Variants in CFAP299 observed in about 807,000 individuals in gnomAD.
The protein encoded by CFAP299 is cilia- and flagella-associated protein 299.
A neutral mutation model predicts 27.0 loss-of-function variants in CFAP299; 21 were observed. That is an observed-to-expected ratio of 0.78 (90% CI 0.55 to 1.12). The LOEUF is 1.12. Among genes scored for constraint, CFAP299 ranks in the 50% most tolerant of loss-of-function variants. The pLI, the probability that CFAP299 is intolerant of heterozygous loss-of-function variation, is 0.00. For synonymous variants in CFAP299, 104 were observed against 98.1 expected (o/e 1.06, Z -0.36); for missense variants, 310 against 276.6 (o/e 1.12, Z -0.86).
chr4:80,526,731 A>G (rs989091946), intron 2 of CFAP299, among the ~76,000 whole-genome samples: 1 of 152,134 alleles, frequency 6.6e-6, no homozygotes, highest in Admixed American at 6.6e-5. Flanking sequence ...TAATAAATAA[A>G]CATAAATTGA....
intron 2 of CFAP299, among the ~76,000 whole-genome samples, chr4:80,532,047 C>T (rs141329543): frequency 0.01 from 1,533 of 152,158 alleles, 25 homozygotes; most frequent in African/African-American, 0.031. Flanking sequence ...TGAGCCACTC[C>T]GCCCGGCCTA....
intron 4 of CFAP299, among the ~76,000 whole-genome samples, chr4:80,902,445 G>T (rs1006071906): frequency 2.7e-4 from 29 of 106,016 alleles, no homozygotes; most frequent in African/African-American, 5.5e-4. Flanking sequence ...AGTATATATG[G>T]ATATACATAT....
intron 1 of CFAP299, chr4:80,336,577 AG>A (rs1722158429): frequency 6.6e-6 from 1 of 151,880 alleles, no homozygotes; most frequent in African/African-American, 2.4e-5. Context: ...CCCCCGCTGC[AG>A]GGTGGTGGGG....
At chr4:80,327,690 T>TTTTATATATATA in the CFAP299 span, among the ~76,000 whole-genome samples, 765 of 51,140 alleles carry the variant, frequency 0.015, 26 homozygotes, top group South Asian at 0.034. Flanking sequence ...TAGAGAGAAG[T>TTTTATATATATA]TATATATATA....
intron 2 of CFAP299, among the ~76,000 whole-genome samples, chr4:80,405,152 C>G (rs1025895978): frequency 6.6e-6 from 1 of 152,266 alleles, no homozygotes; most frequent in South Asian, 2.1e-4. Flanking sequence ...TTCTTTGCAC[C>G]TGAGCTGCAA....
chr4:80,822,828 T>A (rs538132109), intron 3 of CFAP299, among the ~76,000 whole-genome samples: 19 of 152,264 alleles, frequency 1.2e-4, no homozygotes, highest in Non-Finnish European at 2.5e-4. Flanking sequence ...GTAAGAAAAA[T>A]GAGGAATTGG....
intron 3 of CFAP299, among the ~76,000 whole-genome samples, chr4:80,718,864 G>A (rs986086635): frequency 2.6e-5 from 4 of 152,098 alleles, no homozygotes; most frequent in Admixed American, 2.6e-4. Context: ...AGTAATTAGA[G>A]GAAAGTTCAA....
At chr4:80,493,612 C>G (rs542194758) in intron 2 of CFAP299, among the ~76,000 whole-genome samples, 1 of 152,064 alleles carries the variant, frequency 6.6e-6, no homozygotes, top group East Asian at 1.9e-4. Context: ...AAGTAGAAGG[C>G]AAAGAATTGA....
intron 2 of CFAP299, among the ~76,000 whole-genome samples, chr4:80,374,257 CTTG>C (rs1724292749): frequency 6.6e-6 from 1 of 152,108 alleles, no homozygotes; most frequent in Non-Finnish European, 1.5e-5. Context: ...TCCCTCTAGT[CTTG>C]TTGGTACAAG....
intron 2 of CFAP299, among the ~76,000 whole-genome samples, chr4:80,506,602 T>C (rs554623755): frequency 3.9e-5 from 6 of 152,288 alleles, no homozygotes; most frequent in African/African-American, 1.4e-4. Context: ...TTGACTGATA[T>C]GTTGATGTAA....
chr4:80,866,891 A>C (rs1732778774), intron 3 of CFAP299, among the ~76,000 whole-genome samples: 1 of 152,166 alleles, frequency 6.6e-6, no homozygotes, highest in African/African-American at 2.4e-5. Context: ...AATGTATATA[A>C]TTTTAGATTA....
intron 2 of CFAP299, among the ~76,000 whole-genome samples, chr4:80,571,590 C>T (rs909433423): frequency 2.0e-5 from 3 of 152,042 alleles, no homozygotes; most frequent in African/African-American, 7.2e-5. Flanking sequence ...ATGGACTAAA[C>T]TGTACCCATC....
intron 3 of CFAP299, among the ~76,000 whole-genome samples, chr4:80,729,783 T>C (rs1448744812): frequency 2.0e-5 from 3 of 151,698 alleles, no homozygotes; most frequent in African/African-American, 7.2e-5. Flanking sequence ...TTTGTATTTT[T>C]CAGTAGAGAC....
At chr4:80,821,389 CT>C (rs1729696924) in intron 3 of CFAP299, among the ~76,000 whole-genome samples, 1 of 152,134 alleles carries the variant, frequency 6.6e-6, no homozygotes, top group South Asian at 2.1e-4. Context: ...GGATTTTTAA[CT>C]CCTTTAATAG....
intron 3 of CFAP299, among the ~76,000 whole-genome samples, chr4:80,608,066 T>G (rs1220309462): frequency 2.0e-5 from 3 of 152,168 alleles, no homozygotes; most frequent in Non-Finnish European, 4.4e-5. Flanking sequence ...TTTACTACTT[T>G]ACAATTTTAT....
intron 3 of CFAP299, among the ~76,000 whole-genome samples, chr4:80,586,141 A>G (rs1484545030): frequency 6.6e-6 from 1 of 152,092 alleles, no homozygotes; most frequent in African/African-American, 2.4e-5. Flanking sequence ...CTAAGCCACA[A>G]TTTCCTTCTT....
At chr4:80,695,153 T>C (rs2110021125) in intron 3 of CFAP299, among the ~76,000 whole-genome samples, 1 of 152,342 alleles carries the variant, frequency 6.6e-6, no homozygotes, top group South Asian at 2.1e-4. Flanking sequence ...AGTATTTCTA[T>C]ATTAAGTCCA....
chr4:80,634,130 G>A (rs1175499995), intron 3 of CFAP299, among the ~76,000 whole-genome samples: 1 of 151,678 alleles, frequency 6.6e-6, no homozygotes, highest in Non-Finnish European at 1.5e-5. Flanking sequence ...ACTACAGTGT[G>A]CACCACCACG....
At chr4:80,455,417 G>T (rs915877905) in intron 2 of CFAP299, among the ~76,000 whole-genome samples, 16 of 151,928 alleles carry the variant, frequency 1.1e-4, no homozygotes, top group African/African-American at 3.9e-4. Context: ...ATACTTATTC[G>T]AATTATATAG....
Sources: gnomAD v4.1 joint callset for allele counts (sites outside exome capture counted in the v4.1 genomes callset) on GRCh38, gnomAD v4.1.1 for gene constraint, MANE v1.5 for transcripts, NCBI Gene and HGNC (gene_info 2026-07-23, HGNC 2026-07-21) for gene names.